ATRIP: variants seen among roughly 807,000 people sequenced by gnomAD.
The protein encoded by ATRIP is ATR interacting protein.
A neutral mutation model predicts 78.1 loss-of-function variants in ATRIP; 44 were observed. That is an observed-to-expected ratio of 0.56 (90% confidence interval 0.44 to 0.72). The LOEUF is 0.72. ATRIP is among the 30% of genes least tolerant of loss of function. ATRIP has a pLI of 0.00. For missense variants in ATRIP, 927 were observed against 980.2 expected (o/e 0.95, Z 0.72); for synonymous variants, 388 against 408.9 (o/e 0.95, Z 0.62).
chr3:48,451,140 G>A (rs1189366376), intron 2 of ATRIP, among the ~76,000 whole-genome samples: 1 of 151,672 alleles, frequency 6.6e-6, no homozygotes, highest in Non-Finnish European at 1.5e-5. Flanking sequence ...AGTGAGCCGA[G>A]ATCGTGCCAT....
chr3:48,448,077 A>C (rs1560100728), intron 1 of ATRIP, among the ~76,000 whole-genome samples: 1 of 151,900 alleles, frequency 6.6e-6, no homozygotes, highest in Non-Finnish European at 1.5e-5. Flanking sequence ...TTGACTCCCT[A>C]CAAGTGAGGC....
rs1219449745 is a variant in ATRIP, at chr3:48,459,410, A to G, written c.881A>G (p.Gln294Arg). Residue 294 changes from glutamine (Q) to arginine (R), a missense_variant, in exon 6 of 13, where the codon CAG becomes CGG. Coordinates refer to ENST00000320211, the MANE Select transcript of ATRIP (RefSeq NM_130384.3). ...GACTCCATAAAACAAGAAGAGGCCC[A>G]GAAAAGCTTTGTTGACAGCTGGAGA... ...RGDSIKQEEA[Q>R]KSFVDSWRQR... is the part of the protein sequence containing the mutation. 6.2e-7 allele frequency: 1 copy of G among 1,614,148 alleles called. No individual in the cohort carries two copies. The highest frequency in any genetic ancestry group is 2.2e-5 in the East Asian group (1 of 44,888).
chr3:48,451,508 A>G (rs1012477341), intron 2 of ATRIP, among the ~76,000 whole-genome samples: 6 of 152,210 alleles, frequency 3.9e-5, no homozygotes, highest in Admixed American at 6.5e-5. Flanking sequence ...ATCTGCATGC[A>G]TGAGTGGCAA....
At position 48,446,869 on chromosome 3, in the gene ATRIP, C is replaced by T; in HGVS notation, c.24C>T (p.Gly8=). The T allele has an allele frequency of 2.9e-6, 4 of 1,401,528 alleles. No homozygotes were observed. The highest frequency in any genetic ancestry group is 3.7e-6 in the Non-Finnish European group (4 of 1,080,054). 86.8% of individuals were successfully genotyped at this position (1,401,528 alleles called of 1,614,324 possible). Reference sequence around the variant, plus strand: ...GCATGGCGGGGACCTCCGCGCCAGGCAGCAAGAGGCGGAGCGAGCCCCCGG... The same window carrying T: ...GCATGGCGGGGACCTCCGCGCCAGGTAGCAAGAGGCGGAGCGAGCCCCCGG... MAGTSAP[G]SKRRSEPPAP... The change falls in exon 1 of 13, where the codon GGC becomes GGT. Residue 8 remains glycine (G), a synonymous_variant. Transcript: ENST00000320211.
At chr3:48,456,316 C>T (rs202074683) in intron 4 of ATRIP, among the ~76,000 whole-genome samples, 2 of 152,016 alleles carry the variant, frequency 1.3e-5, no homozygotes, top group African/African-American at 2.4e-5. Context: ...CAGTGGCTCA[C>T]GCCTGTAATC....
rs373792627 is a variant in ATRIP at position 48,464,035 on chromosome 3, T to C, written c.1883-6T>C. ...CCCTGAGTGAGAGGTGCGCTGTCCT[T>C]TTCAGAAGGCTGCCTCCTGCTGCTG... On this transcript the variant is annotated splice_polypyrimidine_tract_variant and splice_region_variant and intron_variant, in intron 9 of 12. Transcript: ENST00000320211. 2.4e-5 allele frequency: 39 copies of C among 1,613,298 alleles called. No individual in the cohort carries two copies. The highest frequency in any genetic ancestry group is 1.8e-4 in the Middle Eastern group (1 of 5,714).
Position 48,460,387 on chromosome 3 carries a change from G to A in ATRIP, c.1333G>A (p.Ala445Thr). The A allele has an allele frequency of 1.9e-6, 3 of 1,613,520 alleles. No individual in the cohort carries two copies. Among genetic ancestry groups the A allele is most frequent in the South Asian group, 2.2e-5 (2 of 90,984 alleles). Residue 445 changes from alanine (A) to threonine (T), a missense_variant, in exon 8 of 13, where the codon GCA becomes ACA. Ala to Thr is a moderately conservative substitution (Grantham distance 58, BLOSUM62 0). Coordinates refer to ENST00000320211, the MANE Select transcript of ATRIP (RefSeq NM_130384.3). ...QDLAAAKRSG[A>T]PGDSPTHSSC... ...CTTGGCAGCTGCTAAGAGAAGCGGA[G>A]CACCTGGGGACTCACCGACACATTC...
intron 5 of ATRIP, among the ~76,000 whole-genome samples, chr3:48,458,369 C>A (rs1260432431): frequency 1.3e-5 from 2 of 150,866 alleles, no homozygotes; most frequent in Non-Finnish European, 2.9e-5. Context: ...TGTCACCAGG[C>A]TGGAGTGCAG....
At position 48,467,644 on chromosome 3, in the gene ATRIP, T is replaced by C. The variant is rs376216035; in HGVS notation, c.*2090T>C. 1.3e-5 allele frequency: 21 copies of C among 1,580,868 alleles called. No individual in the cohort carries two copies. The highest frequency in any genetic ancestry group is 1.7e-5 in the Non-Finnish European group (20 of 1,163,046). ...ACGAATAAAGACCCCCGCTGCCCCA[T>C]AGCACTGAGTGGTCAATTGGCTCCT... On this transcript the variant is annotated 3_prime_UTR_variant, in exon 13 of 13. Coordinates refer to ENST00000320211, the MANE Select transcript of ATRIP (RefSeq NM_130384.3).
At position 48,459,933 on chromosome 3, in the gene ATRIP, T is replaced by C; in HGVS notation, c.1055+17T>C. 1 of 1,593,626 alleles carries C rather than the reference T, an allele frequency of 6.3e-7. No individual in the cohort carries two copies. The highest frequency in any genetic ancestry group is 8.5e-7 in the Non-Finnish European group (1 of 1,174,444). On this transcript the variant is annotated intron_variant, in intron 7 of 12. Transcript: ENST00000320211. The stretch of plus-strand genomic sequence containing the variant: ...GTTTGGCAGGTAAGCATAAGACTCC[T>C]GGAAAGCTTGTTTGGGAAGGAGCTT...
At chr3:48,463,387 G>A (rs1041677445) in intron 8 of ATRIP, among the ~76,000 whole-genome samples, 1 of 152,030 alleles carries the variant, frequency 6.6e-6, no homozygotes. Flanking sequence ...CCTTCTGTGG[G>A]CACAGAACAT....
Position 48,465,022 on chromosome 3 carries a change from C to A in ATRIP, c.2247C>A (p.Asp749Glu), listed in dbSNP as rs1008168580. ...MHCVEVLHQFDQVMPGVSMLI... is the reference protein window; with the variant it reads ...MHCVEVLHQFEQVMPGVSMLI... ...GCGTGGAGGTCCTGCATCAGTTTGACCAGGTGATGCCGGGGGTCAGCATGC... is the reference window on the plus strand; with the variant it reads ...GCGTGGAGGTCCTGCATCAGTTTGAACAGGTGATGCCGGGGGTCAGCATGC... The change falls in exon 12 of 13, where the codon GAC becomes GAA. Residue 749 changes from aspartate (D) to glutamate (E), a missense_variant. Transcript: ENST00000320211. The A allele has an allele frequency of 1.2e-6, 2 of 1,613,874 alleles. No homozygotes were observed. Among genetic ancestry groups the A allele is most frequent in the African/African-American group, 2.7e-5 (2 of 75,052 alleles).
In ATRIP at chr3:48,466,440, G is replaced by A; in HGVS notation, c.*886G>A. 1 of 1,612,782 alleles carries A rather than the reference G, an allele frequency of 6.2e-7. No individual in the cohort carries two copies. Among genetic ancestry groups the A allele is most frequent in the Non-Finnish European group, 8.5e-7 (1 of 1,179,660 alleles). Reference sequence around the variant, plus strand: ...GAGACCCTCTCAGACAGTCGAATGTGCTGGTCCCACTAAGGAAACCACCTC... The same window carrying A: ...GAGACCCTCTCAGACAGTCGAATGTACTGGTCCCACTAAGGAAACCACCTC... On this transcript the variant is annotated 3_prime_UTR_variant, in exon 13 of 13. Transcript: ENST00000320211.
At position 48,456,002 on chromosome 3, in the gene ATRIP, T is replaced by G. The variant is rs148899824; in HGVS notation, c.672-1257T>G. Among the ~76,000 whole-genome samples, 68 of 152,132 alleles carry G rather than the reference T, an allele frequency of 4.5e-4. No individual in the cohort carries two copies. The East Asian group carries it at 0.011, about 25-fold the overall frequency. On this transcript the variant is annotated intron_variant, in intron 4 of 12. Transcript: ENST00000320211. ...TGGGCATGGTGGCATGCGCCTGTAA[T>G]CCCAGCTATTTGGGAGGCTGAGGCA... is the stretch of plus-strand genomic sequence containing the variant.
At chr3:48,447,292 C>A in intron 1 of ATRIP, 200 bp downstream of exon 1, 2 of 1,244,810 alleles carry the variant, frequency 1.6e-6, no homozygotes, top group East Asian at 3.2e-5. Flanking sequence ...GGTCAAACAG[C>A]CGATTTGAAA....
intron 12 of ATRIP, 28 bp downstream of exon 12, chr3:48,465,111 A>G: frequency 6.3e-7 from 1 of 1,590,512 alleles, no homozygotes; most frequent in Non-Finnish European, 8.6e-7. Context: ...CATCCTGCCC[A>G]GCCCCCATGG....
Position 48,450,041 on chromosome 3 carries a change from TC to T in ATRIP, c.253del (p.His85IlefsTer7). On this transcript the variant is annotated frameshift_variant, in exon 2 of 13. Coordinates refer to ENST00000320211, the MANE Select transcript of ATRIP (RefSeq NM_130384.3). LOFTEE classifies it high-confidence loss of function. ...ATATGGAACTATTTTTTACAGGTGA[TC>T]ATAAGGTCCACAGATTATTAGATGG... ...PAAARDVSSD[H>X]KVHRLLDGMS... is the part of the protein sequence containing the mutation. 6.2e-7 allele frequency: 1 copy of T among 1,609,922 alleles called. No individual in the cohort carries two copies. Among genetic ancestry groups the T allele is most frequent in the Non-Finnish European group, 8.5e-7 (1 of 1,178,778 alleles).
rs899701519 is a variant in ATRIP, at chr3:48,466,291, T to C, written c.*737T>C. Reference sequence around the variant, plus strand: ...AGTGTGCAGCCGAGTCACTACTGCCTGCCTGCCTGCCTGCTACGGTGAGTG... The same window carrying C: ...AGTGTGCAGCCGAGTCACTACTGCCCGCCTGCCTGCCTGCTACGGTGAGTG... On this transcript the variant is annotated 3_prime_UTR_variant, in exon 13 of 13. Transcript: ENST00000320211. 8.8e-6 allele frequency: 6 copies of C among 684,426 alleles called. No individual in the cohort carries two copies. Among genetic ancestry groups the C allele is most frequent in the Non-Finnish European group, 1.5e-5 (6 of 387,864 alleles). The allele number at this position is 684,426 out of a possible 1,614,324, so 42.4% of individuals were successfully genotyped here. A position where few individuals can be genotyped will look rare whatever the true frequency, so the allele number is the denominator to read the frequency against.
At chr3:48,447,182 G>C (rs1336963000) in intron 1 of ATRIP, 90 bp downstream of exon 1, 4 of 1,331,734 alleles carry the variant, frequency 3.0e-6, no homozygotes, top group Non-Finnish European at 3.8e-6. Flanking sequence ...CTCGCGGCCA[G>C]CACTGCCTTT....
Sources: gnomAD v4.1 joint callset for allele counts (sites outside exome capture counted in the v4.1 genomes callset) on GRCh38, gnomAD v4.1.1 for gene constraint, MANE v1.5 for transcripts, NCBI Gene and HGNC (gene_info 2026-07-23, HGNC 2026-07-21) for gene names.